Variants in ALPK3 observed in about 807,000 individuals in gnomAD.
ALPK3 encodes alpha-protein kinase 3.
In ALPK3, 102 loss-of-function variants were observed where a neutral mutation model predicts 140.0. That is an observed-to-expected ratio of 0.73 (90% CI 0.62 to 0.86). The LOEUF is 0.86. ALPK3 is among the 40% of genes least tolerant of loss of function. The probability of loss-of-function intolerance (pLI) is 0.00; values close to 1 mark genes in which losing one functional copy is unlikely to be tolerated. For synonymous variants in ALPK3, 938 were observed against 898.5 expected, an observed-to-expected ratio of 1.04 and a Z score of -0.79; for missense variants, 2,254 against 2,208.2, an observed-to-expected ratio of 1.02 and a Z score of -0.42.
At chr15:84,833,728 C>T (rs1355102875) in intron 3 of ALPK3, among the ~76,000 whole-genome samples, 1 of 152,236 alleles carries the variant, frequency 6.6e-6, no homozygotes, top group Non-Finnish European at 1.5e-5. Context: ...AGTGCTCCTG[C>T]TGGCTGACCT....
At chr15:84,862,491 G>A in intron 9 of ALPK3, 144 bp from the exon 10 acceptor site, 1 of 958,370 alleles carries the variant, frequency 1.0e-6, no homozygotes, top group Non-Finnish European at 1.5e-6. Context: ...GGGACTTAAT[G>A]TGCCCAAAGA....
At chr15:84,826,010 G>C (rs1301716684) in intron 2 of ALPK3, among the ~76,000 whole-genome samples, 1 of 152,192 alleles carries the variant, frequency 6.6e-6, no homozygotes, top group East Asian at 1.9e-4. Flanking sequence ...AGGTATGTGA[G>C]ATTGGGATCC....
intron 5 of ALPK3, among the ~76,000 whole-genome samples, chr15:84,845,444 G>A (rs1276296808): frequency 6.6e-6 from 1 of 152,028 alleles, no homozygotes; most frequent in Non-Finnish European, 1.5e-5. Context: ...GAAACAATGT[G>A]GCAGAGAGGG....
rs1964037988 is a variant in ALPK3, at chr15:84,869,116, G to A, written c.*660G>A. On this transcript the variant is annotated 3_prime_UTR_variant, in exon 14 of 14. Coordinates refer to ENST00000258888, the MANE Select transcript of ALPK3 (RefSeq NM_020778.5). ...CTCTTCCCCCTTCACTCACTCGCCT[G>A]CTTCCCATGCTCCCTTGTACCCCCT... The A allele has an allele frequency of 6.5e-6, 1 of 154,124 alleles. No homozygotes were observed. The highest frequency in any genetic ancestry group is 1.4e-5 in the Non-Finnish European group (1 of 69,454). 9.5% of individuals were successfully genotyped at this position (154,124 alleles called of 1,614,324 possible). A position where few individuals can be genotyped will look rare whatever the true frequency, so the allele number is the denominator to read the frequency against.
chr15:84,846,141 A>C (rs2141560819), intron 5 of ALPK3, among the ~76,000 whole-genome samples: 1 of 152,336 alleles, frequency 6.6e-6, no homozygotes, highest in African/African-American at 2.4e-5. Context: ...CGAGATTGAA[A>C]CTATAACCTC....
At chr15:84,822,642 G>A (rs977399466) in intron 1 of ALPK3, among the ~76,000 whole-genome samples, 2 of 152,140 alleles carry the variant, frequency 1.3e-5, no homozygotes, top group African/African-American at 2.4e-5. Flanking sequence ...ACTAAGGGGC[G>A]GTCCTGTGTG....
chr15:84,857,198 G>A lies in ALPK3; in HGVS notation c.2460G>A (p.Gly820=). 1.2e-6 allele frequency: 2 copies of A among 1,613,754 alleles called. No individual in the cohort carries two copies. Among genetic ancestry groups the A allele is most frequent in the Non-Finnish European group, 1.7e-6 (2 of 1,179,922 alleles). The part of the protein sequence containing the change: ...VEQVGGERCR[G]PQSSGPVEAK... ...AGGTGGGAGGAGAGAGATGCCGAGG[G>A]CCACAGTCATCAGGCCCAGTCGAGG... The change falls in exon 6 of 14, where the codon GGG becomes GGA. Residue 820 remains glycine (G), a synonymous_variant. Transcript: ENST00000258888.
chr15:84,835,043 T>TG (rs1963584457), intron 3 of ALPK3, among the ~76,000 whole-genome samples: 1 of 152,192 alleles, frequency 6.6e-6, no homozygotes, highest in South Asian at 2.1e-4. Context: ...CCTGGGGCTG[T>TG]GGGGTCCATT....
intron 5 of ALPK3, among the ~76,000 whole-genome samples, chr15:84,847,728 A>G (rs1189750089): frequency 2.0e-5 from 3 of 152,226 alleles, no homozygotes; most frequent in African/African-American, 7.2e-5. Context: ...AGATAATGGA[A>G]AAAACAAGAC....
chr15:84,844,754 G>A (rs1428778954), intron 5 of ALPK3, among the ~76,000 whole-genome samples: 4 of 152,136 alleles, frequency 2.6e-5, no homozygotes, highest in Non-Finnish European at 4.4e-5. Context: ...CTACTCAGTA[G>A]GCTGAGGCAG....
At chr15:84,834,114 G>T (rs1963575332) in intron 3 of ALPK3, among the ~76,000 whole-genome samples, 1 of 152,060 alleles carries the variant, frequency 6.6e-6, no homozygotes, top group Non-Finnish European at 1.5e-5. Context: ...TTTTAGAGAA[G>T]TAAGTCTAAT....
rs750057517 is a variant in ALPK3 at position 84,840,895 on chromosome 15, C to T, written c.1616C>T (p.Thr539Met). The change falls in exon 5 of 14, where the codon ACG becomes ATG. Residue 539 changes from threonine to methionine, a missense_variant. This residue lies in a region of ALPK3 where 2,088 missense variants were observed against 2,022.9 expected (regional missense o/e 1.03). Transcript: ENST00000258888. ...ARRRHGTRDS[T>M]LQGQAGHRTP... ...CGGAGACATGGCACCCGGGACAGCA[C>T]GTTGCAGGGGCAAGCAGGCCACAGG... The T allele has an allele frequency of 2.2e-5, 36 of 1,611,174 alleles. No homozygotes were observed. Among genetic ancestry groups the T allele is most frequent in the Non-Finnish European group, 2.3e-5 (27 of 1,178,782 alleles).
chr15:84,856,855 G>T lies in ALPK3; in HGVS notation c.2117G>T (p.Gly706Val). ...ATGCAGGGAGAGAAGGGGATGCAGG[G>T]AGAGAAGGGGACGCAGTCAGAGGGG... is the stretch of plus-strand genomic sequence containing the variant. ...RRMQGEKGMQGEKGTQSEGSA... is the reference protein window; with the variant it reads ...RRMQGEKGMQVEKGTQSEGSA... The change falls in exon 6 of 14, where the codon GGA becomes GTA. Residue 706 changes from glycine to valine, a missense_variant. Physicochemically the swap from Gly to Val is moderately radical, Grantham distance 109. Coordinates refer to ENST00000258888, the MANE Select transcript of ALPK3 (RefSeq NM_020778.5). 6.2e-7 allele frequency: 1 copy of T among 1,614,018 alleles called. No individual in the cohort carries two copies. Among genetic ancestry groups the T allele is most frequent in the Non-Finnish European group, 8.5e-7 (1 of 1,179,962 alleles).
chr15:84,863,904 A>G (rs1963976214), intron 11 of ALPK3, among the ~76,000 whole-genome samples: 2 of 152,318 alleles, frequency 1.3e-5, no homozygotes, highest in South Asian at 4.1e-4. Flanking sequence ...TGCTGATTGC[A>G]GAGTTTGGAC....
In ALPK3 at chr15:84,839,891, G is replaced by T; in HGVS notation, c.612G>T (p.Lys204Asn). ...REIEQSWKHEKAVPGEVDTLR... is the reference protein window; with the variant it reads ...REIEQSWKHENAVPGEVDTLR... ...TCGAGCAGAGCTGGAAGCACGAGAA[G>T]GCGGTGCCTGGGGAGGTCGACACTC... Residue 204 changes from lysine to asparagine, a missense_variant, in exon 5 of 14, where the codon AAG (lysine) becomes AAT (asparagine). By Grantham distance (94) the Lys-to-Asn change is moderately conservative. This residue lies in a region of ALPK3 where 2,088 missense variants were observed against 2,022.9 expected (regional missense o/e 1.03). Transcript: ENST00000258888. 1.2e-6 allele frequency: 2 copies of T among 1,613,988 alleles called. No homozygotes were observed. The highest frequency in any genetic ancestry group is 1.3e-5 in the African/African-American group (1 of 75,072).
Position 84,870,686 on chromosome 15 carries a change from T to G in ALPK3, c.*2230T>G, listed in dbSNP as rs1176120880. On this transcript the variant is annotated 3_prime_UTR_variant, in exon 14 of 14. Transcript: ENST00000258888. ...CAGATCAACACCAACTTGCCATTGGTTCTAGTGGGTCCCCTTCCACTCAAG... is the reference window on the plus strand; with the variant it reads ...CAGATCAACACCAACTTGCCATTGGGTCTAGTGGGTCCCCTTCCACTCAAG... 1 of 152,096 alleles carries G rather than the reference T, an allele frequency of 6.6e-6. No individual in the cohort carries two copies. The highest frequency in any genetic ancestry group is 1.5e-5 in the Non-Finnish European group (1 of 68,028). The allele number at this position is 152,096 out of a possible 1,614,324, so 9.4% of individuals were successfully genotyped here. A position where few individuals can be genotyped will look rare whatever the true frequency, so the allele number is the denominator to read the frequency against.
In ALPK3 at chr15:84,840,198, G is replaced by C. The variant is rs957746653; in HGVS notation, c.919G>C (p.Ala307Pro). Residue 307 changes from alanine to proline, a missense_variant, in exon 5 of 14, where the codon GCC (alanine) becomes CCC (proline). Physicochemically the swap from Ala to Pro is conservative, Grantham distance 27. Coordinates refer to ENST00000258888, the MANE Select transcript of ALPK3 (RefSeq NM_020778.5). ...CGCCATGGAGCTGGGGCCTCAGAGA[G>C]CCCTCAAAGAGGAGAGTGGGGCCAA... ...CDAMELGPQR[A>P]LKEESGAKKK... 1.9e-6 allele frequency: 3 copies of C among 1,613,732 alleles called. No individual in the cohort carries two copies. In the African/African-American group the frequency reaches 4.0e-5, roughly 22 times the overall value.
intron 5 of ALPK3, 42 bp downstream of exon 5, chr15:84,840,974 C>G (rs371170546): frequency 1.3e-6 from 2 of 1,514,134 alleles, no homozygotes; most frequent in African/African-American, 2.8e-5. Context: ...CTCTGGGAAG[C>G]TGACCTCATG....
intron 12 of ALPK3, among the ~76,000 whole-genome samples, chr15:84,866,244 CAAAT>C (rs748583758): frequency 3.2e-4 from 48 of 152,280 alleles, no homozygotes; most frequent in Admixed American, 1.6e-3. Context: ...AGAGAAATGA[CAAAT>C]AAATCAATAT....
Sources: gnomAD v4.1 joint callset for allele counts (sites outside exome capture counted in the v4.1 genomes callset) on GRCh38, gnomAD v4.1.1 for gene constraint, gnomAD v4.1.1 regional missense constraint, MANE v1.5 for transcripts, NCBI Gene and HGNC (gene_info 2026-07-23, HGNC 2026-07-21) for gene names.